The following TRIM5 variants were observed in gnomAD, a reference collection of about 807,000 sequenced individuals.
TRIM5 encodes the protein tripartite motif-containing protein 5.
In TRIM5, 31 loss-of-function variants were observed where a neutral mutation model predicts 35.6. The ratio of observed to expected loss-of-function variants is 0.87; its 90% CI spans 0.65 to 1.18. TRIM5 has a LOEUF of 1.18. TRIM5 is among the 50% of genes most tolerant of loss of function. The probability of loss-of-function intolerance (pLI) is 0.00; values close to 1 mark genes in which losing one functional copy is unlikely to be tolerated. For missense variants in TRIM5, 609 were observed against 591.6 expected (o/e 1.03, Z -0.31); for synonymous variants, 243 against 215.6 (o/e 1.13, Z -1.11).
intron 4 of TRIM5, among the ~76,000 whole-genome samples, chr11:5,671,610 C>G (rs923541092): frequency 6.6e-6 from 1 of 151,270 alleles, no homozygotes; most frequent in African/African-American, 2.4e-5. Context: ...AAAGCTGCAT[C>G]AATAAAAATT....
chr11:5,629,140 G>T, the TRIM5 span, among the ~76,000 whole-genome samples: 1 of 152,162 alleles, frequency 6.6e-6, no homozygotes, highest in Admixed American at 6.5e-5. Context: ...AGTTGGGCGT[G>T]GTGGCATACA....
chr11:5,644,382 C>T, the TRIM5 span: 1 of 396,662 alleles, frequency 2.5e-6, no homozygotes, highest in Admixed American at 4.4e-5. Flanking sequence ...AATATTTGCT[C>T]TCATGATTGC....
chr11:5,667,490 C>T (rs549885909), intron 5 of TRIM5, among the ~76,000 whole-genome samples, 199 bp downstream of exon 5: 20 of 152,320 alleles, frequency 1.3e-4, no homozygotes, highest in African/African-American at 4.8e-4. Context: ...TGAGCCACCA[C>T]ACCTGGCCAA....
intron 4 of TRIM5, among the ~76,000 whole-genome samples, chr11:5,669,723 C>T (rs904247727): frequency 1.9e-4 from 29 of 152,264 alleles, no homozygotes; most frequent in Admixed American, 3.3e-4. Flanking sequence ...ATGGGCTGGG[C>T]GCAGTGACTC....
At chr11:5,639,533 A>T in the TRIM5 span, among the ~76,000 whole-genome samples, 1 of 151,914 alleles carries the variant, frequency 6.6e-6, no homozygotes, top group African/African-American at 2.4e-5. Flanking sequence ...ATTAAAAATT[A>T]GCCGGGCATG....
chr11:5,665,814 AACAGCC>A, intron 6 of TRIM5, 132 bp from the exon 7 acceptor site: 1 of 1,364,986 alleles, frequency 7.3e-7, no homozygotes, highest in Non-Finnish European at 9.8e-7. Flanking sequence ...GATGAGATGA[AACAGCC>A]ACCTAGCCAT....
chr11:5,618,780 G>A, the TRIM5 span, among the ~76,000 whole-genome samples: 1 of 152,166 alleles, frequency 6.6e-6, no homozygotes, highest in Non-Finnish European at 1.5e-5. Context: ...GGGGAGAAAA[G>A]ATTGGACTAT....
At chr11:5,610,191 C>T in the TRIM5 span, 1 of 1,614,078 alleles carries the variant, frequency 6.2e-7, no homozygotes, top group South Asian at 1.1e-5. Context: ...CCCTACAAAG[C>T]TGAGAAGTAT....
chr11:5,678,363 C>T lies in TRIM5; in HGVS notation c.585G>A (p.Glu195=). The T allele has an allele frequency of 6.2e-7, 1 of 1,612,254 alleles. No individual in the cohort carries two copies. Among genetic ancestry groups the T allele is most frequent in the East Asian group, 2.2e-5 (1 of 44,850 alleles). Residue 195 remains glutamate, a synonymous_variant, in exon 4 of 8, where the codon GAG becomes GAA. Transcript: ENST00000380034. ...CCAGGTTTTGCAGCTCATTGCTCTC[C>T]TCCCAGTCCAGGATGTCTCTCAGTT... ...FEQLRDILDW[E]ESNELQNLEK...
chr11:5,639,640 A>G, the TRIM5 span, among the ~76,000 whole-genome samples: 1 of 131,910 alleles, frequency 7.6e-6, no homozygotes, highest in Non-Finnish European at 1.6e-5. Context: ...AGTTCGCACC[A>G]CTGCACTCCA....
chr11:5,621,414 C>T, the TRIM5 span, among the ~76,000 whole-genome samples: 3 of 152,202 alleles, frequency 2.0e-5, no homozygotes, highest in Non-Finnish European at 2.9e-5. Context: ...TTGTTAGCCA[C>T]TCCTGTTTAC....
At chr11:5,680,362 TAAGAA>T (rs1005069857) in intron 1 of TRIM5, 124 bp from the exon 2 acceptor site, 2 of 597,844 alleles carry the variant, frequency 3.3e-6, no homozygotes, top group Non-Finnish European at 5.4e-6. Context: ...AGGGGAGAAA[TAAGAA>T]AAGGTGTTTG....
the TRIM5 span, among the ~76,000 whole-genome samples, chr11:5,616,077 A>C: frequency 6.6e-6 from 1 of 150,864 alleles, no homozygotes; most frequent in East Asian, 2.0e-4. Flanking sequence ...CAGCCTCCCG[A>C]GTAGCTGGGA....
chr11:5,632,411 G>C, the TRIM5 span: 5 of 1,613,958 alleles, frequency 3.1e-6, no homozygotes, highest in Non-Finnish European at 4.2e-6. Context: ...GAACCCTTGA[G>C]TCTAGACTGT....
intron 4 of TRIM5, among the ~76,000 whole-genome samples, chr11:5,672,215 T>C (rs1021001904): frequency 1.1e-4 from 16 of 152,166 alleles, no homozygotes; most frequent in Non-Finnish European, 1.9e-4. Flanking sequence ...TTTTCCTTTT[T>C]TTCTTTCTTT....
chr11:5,596,850 C>T, the TRIM5 span: 1 of 1,613,626 alleles, frequency 6.2e-7, no homozygotes, highest in African/African-American at 1.3e-5. Flanking sequence ...GAGCTTTGAC[C>T]ACCTGATATT....
At chr11:5,611,576 C>G in the TRIM5 span, 1 of 445,278 alleles carries the variant, frequency 2.2e-6, no homozygotes, top group South Asian at 3.4e-5. Flanking sequence ...GCCTCAGCAT[C>G]CCAAGTAGCT....
the TRIM5 span, among the ~76,000 whole-genome samples, chr11:5,594,546 A>G: frequency 1.3e-5 from 2 of 152,044 alleles, no homozygotes; most frequent in African/African-American, 4.8e-5. Flanking sequence ...GATTCAAGCT[A>G]TCCTTCCACC....
At chr11:5,596,942 CTTA>C in the TRIM5 span, 4 of 1,613,996 alleles carry the variant, frequency 2.5e-6, no homozygotes, top group Non-Finnish European at 3.4e-6. Flanking sequence ...TTGACTGGCT[CTTA>C]TTGTCACTTC....
Sources: gnomAD v4.1 joint callset for allele counts (sites outside exome capture counted in the v4.1 genomes callset) on GRCh38, gnomAD v4.1.1 for gene constraint, MANE v1.5 for transcripts, NCBI Gene and HGNC (gene_info 2026-07-23, HGNC 2026-07-21) for gene names.